Variants in ZNF550 observed in about 807,000 individuals in gnomAD.
ZNF550 encodes zinc finger protein 550.
In ZNF550, 42 loss-of-function variants were observed where a neutral mutation model predicts 40.2. The observed-to-expected ratio is 1.05, with a 90% CI of 0.82 to 1.35. The LOEUF (loss-of-function observed/expected upper bound fraction) is 1.35. ZNF550 is among the 40% of genes most tolerant of loss of function. The probability of loss-of-function intolerance (pLI) is 0.00; values close to 1 mark genes in which losing one functional copy is unlikely to be tolerated. For synonymous variants in ZNF550, 223 were observed against 198.6 expected, an observed-to-expected ratio of 1.12 and a Z score of -1.03; for missense variants, 549 against 525.2, an observed-to-expected ratio of 1.05 and a Z score of -0.44.
chr19:57,546,069 G>A (rs1019067909), intron 4 of ZNF550, among the ~76,000 whole-genome samples: 1 of 152,032 alleles, frequency 6.6e-6, no homozygotes, highest in African/African-American at 2.4e-5. Flanking sequence ...CTTAGGTATT[G>A]CACATTTTAA....
In ZNF550 at chr19:57,547,769, C is replaced by T. The variant is rs756602735; in HGVS notation, c.475G>A (p.Gly159Ser). ...CCATCATCTGTCCCCAAACCTTCAC[C>T]TTCAAGGCTCACTTTCCCAAGATGG... is the stretch of plus-strand genomic sequence containing the variant. The change falls in exon 4 of 5, where the codon GGT becomes AGT. Residue 159 changes from glycine (G) to serine (S), a missense_variant. Gly to Ser is a moderately conservative substitution (Grantham distance 56). Transcript: ENST00000457177. 4 of 1,613,990 alleles carry T rather than the reference C, an allele frequency of 2.5e-6. No homozygotes were observed. In the African/African-American group the frequency reaches 5.3e-5, roughly 22 times the overall value.
exon 5 of ZNF550, chr19:57,542,305 C>G (rs1363718847): frequency 6.7e-6 from 1 of 148,790 alleles, no homozygotes; most frequent in Non-Finnish European, 1.5e-5. Flanking sequence ...CAGTTACATA[C>G]TAGATCACCA....
In ZNF550 at chr19:57,550,969, CT is replaced by C. The variant is rs370139023; in HGVS notation, c.250+1657del. ...GCCAAGTGTAAGCAATTTGAGTACA[CT>C]TTTTTTTGTTTGTTTAAACTTATAT... is the stretch of plus-strand genomic sequence containing the variant. On this transcript the variant is annotated intron_variant, in intron 3 of 4. Coordinates refer to ENST00000457177, the Ensembl canonical transcript of ZNF550. 1.9e-3 allele frequency among the ~76,000 whole-genome samples: 282 copies of C among 152,032 alleles called. 3 individuals carry two copies. Among genetic ancestry groups the C allele is most frequent in the African/African-American group, 6.5e-3 (268 of 41,486 alleles).
At chr19:57,545,587 T>C (rs2090001349) in intron 4 of ZNF550, among the ~76,000 whole-genome samples, 1 of 152,004 alleles carries the variant, frequency 6.6e-6, no homozygotes, top group East Asian at 1.9e-4. Context: ...TGCTGAGCAT[T>C]TGAAACCATA....
At chr19:57,548,508 A>G (rs2090044709) in intron 3 of ZNF550, among the ~76,000 whole-genome samples, 1 of 152,198 alleles carries the variant, frequency 6.6e-6, no homozygotes, top group Non-Finnish European at 1.5e-5. Flanking sequence ...AAGAAATGCA[A>G]ATCAAAACTA....
At chr19:57,553,153 T>C (rs1271272679) in intron 2 of ZNF550, 2 of 155,676 alleles carry the variant, frequency 1.3e-5, no homozygotes, top group Non-Finnish European at 2.8e-5. Flanking sequence ...ATCTTGGACT[T>C]CTCAGCCTCC....
chr19:57,542,512 T>C (rs2089969540), exon 5 of ZNF550: 1 of 151,960 alleles, frequency 6.6e-6, no homozygotes, highest in Non-Finnish European at 1.5e-5. Flanking sequence ...ATGTAAAATA[T>C]TACATGGCAG....
At chr19:57,550,052 CTTA>C (rs1011279448) in intron 3 of ZNF550, among the ~76,000 whole-genome samples, 22 of 152,170 alleles carry the variant, frequency 1.4e-4, no homozygotes, top group Admixed American at 2.6e-4. Flanking sequence ...GGACATTACC[CTTA>C]TTATTTTCAT....
rs1252514693 is a variant in ZNF550, at chr19:57,556,228, T to A, written c.154+3A>T. The A allele has an allele frequency of 2.5e-6, 4 of 1,613,850 alleles. No homozygotes were observed. In the South Asian group the frequency reaches 4.4e-5, roughly 18 times the overall value. On this transcript the variant is annotated splice_donor_region_variant and intron_variant, in intron 2 of 4. Coordinates refer to ENST00000457177, the Ensembl canonical transcript of ZNF550. The stretch of plus-strand genomic sequence containing the variant: ...TCCTCAGGGATGAGAGGTGAGTCAT[T>A]ACCTAGTGAAACCAGAAGCCCACAG...
rs369448796 is a variant in ZNF550, at chr19:57,543,687, G to C, written c.*519-444C>G. 97 of 960,918 alleles carry C rather than the reference G, an allele frequency of 1.0e-4. No individual in the cohort carries two copies. The African/African-American group carries it at 1.5e-3, about 15-fold the overall frequency. The allele number at this position is 960,918 out of a possible 1,614,324, so 59.5% of individuals were successfully genotyped here. Reference sequence around the variant, plus strand: ...ACGGTGGCTCACGCCTGTAATCGCAGCACTTTGGGAGGCAGAGGCGGGTGG... The same window carrying C: ...ACGGTGGCTCACGCCTGTAATCGCACCACTTTGGGAGGCAGAGGCGGGTGG... On this transcript the variant is annotated intron_variant, in intron 4 of 4. Transcript: ENST00000457177.
At chr19:57,559,547 G>T in intron 1 of ZNF550, 109 bp downstream of exon 1, 19 of 1,104,858 alleles carry the variant, frequency 1.7e-5, no homozygotes, top group Non-Finnish European at 2.3e-5. Flanking sequence ...CCTCTAAGAA[G>T]CAACGGCAGG....
chr19:57,542,459 T>C (rs2089969014), exon 5 of ZNF550: 1 of 151,832 alleles, frequency 6.6e-6, no homozygotes, highest in Non-Finnish European at 1.5e-5. Context: ...AGGAAATACA[T>C]GTCCATAATC....
chr19:57,559,563 C>A, intron 1 of ZNF550, 93 bp downstream of exon 1: 1 of 1,295,802 alleles, frequency 7.7e-7, no homozygotes, highest in Non-Finnish European at 1.0e-6. Flanking sequence ...GCAGGGACTG[C>A]ACTGAGGACG....
At chr19:57,560,689 G>A (rs2090160812), upstream of ZNF550, among the ~76,000 whole-genome samples, 1 of 152,186 alleles carries the variant, frequency 6.6e-6, no homozygotes, top group Middle Eastern at 3.4e-3. Flanking sequence ...TAGAATTGGG[G>A]TGCCAACCAT....
exon 4 of ZNF550, chr19:57,547,048 T>C (rs1410738886): frequency 6.2e-7 from 1 of 1,613,902 alleles, no homozygotes; most frequent in African/African-American, 1.3e-5. Flanking sequence ...GATACACTTG[T>C]AGGGCATCTC....
intron 2 of ZNF550, chr19:57,552,932 A>G (rs1030616250): frequency 1.9e-6 from 1 of 535,048 alleles, no homozygotes; most frequent in Non-Finnish European, 3.3e-6. Flanking sequence ...CCTAACACCC[A>G]ACGTGACTGT....
intron 4 of ZNF550, chr19:57,544,242 A>C (rs2123332172): frequency 1.0e-6 from 1 of 985,472 alleles, no homozygotes; most frequent in African/African-American, 1.7e-5. Flanking sequence ...CTTGCCTATC[A>C]CAGCAGCAAG....
chr19:57,558,708 A>T (rs1361475999), intron 1 of ZNF550, among the ~76,000 whole-genome samples: 1 of 152,176 alleles, frequency 6.6e-6, no homozygotes, highest in African/African-American at 2.4e-5. Flanking sequence ...CGGACACCAG[A>T]GGGAGTCAGA....
At chr19:57,544,882 C>T (rs755857616) in intron 4 of ZNF550, among the ~76,000 whole-genome samples, 1 of 151,918 alleles carries the variant, frequency 6.6e-6, no homozygotes, top group African/African-American at 2.4e-5. Flanking sequence ...AGCTTTTTGG[C>T]AGGCTGAGGT....
Sources: allele counts gnomAD v4.1 joint callset (sites outside exome capture counted in the v4.1 genomes callset), GRCh38; gene constraint gnomAD v4.1.1; transcripts MANE v1.5; gene names NCBI Gene and HGNC (gene_info 2026-07-23, HGNC 2026-07-21).